RBL1: variants seen among roughly 807,000 people sequenced by gnomAD.
The protein encoded by RBL1 is retinoblastoma-like protein 1.
A neutral mutation model predicts 123.0 loss-of-function variants in RBL1; 82 were observed. That is an observed-to-expected ratio of 0.67 (90% CI 0.56 to 0.80). The LOEUF (loss-of-function observed/expected upper bound fraction) is 0.80, where lower values mean the gene tolerates loss of function less well. Ranked by LOEUF, RBL1 falls within the 30% of genes least tolerant of loss-of-function variation. The pLI is 0.00. For synonymous variants in RBL1, 405 were observed against 441.3 expected, an observed-to-expected ratio of 0.92 and a Z score of 1.03; for missense variants, 1,171 against 1,299.6, an observed-to-expected ratio of 0.90 and a Z score of 1.52.
chr20:37,011,733 C>A (rs1255820796), intron 19 of RBL1, among the ~76,000 whole-genome samples: 1 of 152,034 alleles, frequency 6.6e-6, no homozygotes, highest in Non-Finnish European at 1.5e-5. Flanking sequence ...CCATGTACAG[C>A]CAGAAATGGG....
At chr20:37,043,404 A>C (rs2064766210) in intron 13 of RBL1, among the ~76,000 whole-genome samples, 1 of 150,904 alleles carries the variant, frequency 6.6e-6, no homozygotes, top group Non-Finnish European at 1.5e-5. Context: ...GAGACAGAGA[A>C]TTGCTTGAAC....
At chr20:37,054,170 TG>T (rs1442309302) in intron 11 of RBL1, among the ~76,000 whole-genome samples, 3 of 152,178 alleles carry the variant, frequency 2.0e-5, no homozygotes, top group Admixed American at 1.3e-4. Context: ...TGCAACTTTC[TG>T]TGAATCTATA....
chr20:37,040,573 G>A (rs1416795450), intron 13 of RBL1, among the ~76,000 whole-genome samples: 7 of 152,030 alleles, frequency 4.6e-5, no homozygotes, highest in East Asian at 1.9e-4. Context: ...GGCTGATCTC[G>A]AATTCCTGAC....
At chr20:37,089,312 T>C (rs6073285) in intron 1 of RBL1, among the ~76,000 whole-genome samples, 190 bp from the exon 2 acceptor site, 25,860 of 152,116 alleles carry the variant, frequency 0.17, 2,856 homozygotes, top group East Asian at 0.38. Flanking sequence ...CTCCTTACTC[T>C]TAGTTCTGTG....
chr20:37,077,863 A>G (rs535390204), intron 2 of RBL1, among the ~76,000 whole-genome samples: 1 of 152,272 alleles, frequency 6.6e-6, no homozygotes, highest in South Asian at 2.1e-4. Flanking sequence ...TTGATAAAAT[A>G]TTAGTCCATA....
At chr20:37,065,579 A>C in intron 6 of RBL1, 106 bp from the exon 7 acceptor site, 1 of 671,580 alleles carries the variant, frequency 1.5e-6, no homozygotes, top group Non-Finnish European at 2.5e-6. Context: ...ACACACACAA[A>C]ACAGAATTAT....
chr20:37,014,834 G>A (rs1023822884), intron 19 of RBL1, among the ~76,000 whole-genome samples: 1 of 151,934 alleles, frequency 6.6e-6, no homozygotes, highest in Non-Finnish European at 1.5e-5. Context: ...AGGCCAAGGC[G>A]GGTGGAATAC....
At chr20:37,063,396 C>A (rs2065127249) in intron 7 of RBL1, among the ~76,000 whole-genome samples, 1 of 152,044 alleles carries the variant, frequency 6.6e-6, no homozygotes, top group Non-Finnish European at 1.5e-5. Flanking sequence ...TGCCTGTAAT[C>A]CTAGCACTTT....
At chr20:37,012,468 T>C (rs2064170172) in intron 19 of RBL1, among the ~76,000 whole-genome samples, 1 of 150,206 alleles carries the variant, frequency 6.7e-6, no homozygotes, top group Non-Finnish European at 1.5e-5. Flanking sequence ...GGAGCGTCTC[T>C]GCCCGGCCGC....
intron 21 of RBL1, among the ~76,000 whole-genome samples, chr20:36,999,482 CTCTCCCTCTCCCCACGG>C (rs1467982888): frequency 5.3e-5 from 8 of 151,516 alleles, no homozygotes; most frequent in Non-Finnish European, 7.4e-5. Flanking sequence ...CCTCCTCTCC[CTCTCCCTCTCCCCACGG>C]TCTCCCTCTC....
chr20:37,035,791 T>A (rs1481506952), intron 14 of RBL1, among the ~76,000 whole-genome samples: 1 of 152,142 alleles, frequency 6.6e-6, no homozygotes. Flanking sequence ...GGTTGAGAGG[T>A]AGAATGAAGT....
intron 11 of RBL1, 105 bp downstream of exon 11, chr20:37,055,448 G>T: frequency 6.4e-7 from 1 of 1,555,210 alleles, no homozygotes. Context: ...GGCCAAGTGT[G>T]TCATAGATTG....
chr20:37,040,391 G>A, intron 13 of RBL1, 106 bp from the exon 14 acceptor site: 3 of 1,448,652 alleles, frequency 2.1e-6, no homozygotes, highest in Non-Finnish European at 2.7e-6. Context: ...TCATTCTGTT[G>A]CCCAGGCTGG....
At chr20:37,036,256 C>G (rs1366192028) in intron 14 of RBL1, among the ~76,000 whole-genome samples, 1 of 152,086 alleles carries the variant, frequency 6.6e-6, no homozygotes, top group East Asian at 1.9e-4. Context: ...ACAGGTAGGT[C>G]AATAATATGC....
intron 11 of RBL1, among the ~76,000 whole-genome samples, chr20:37,052,711 T>C (rs1228261759): frequency 6.6e-6 from 1 of 152,190 alleles, no homozygotes; most frequent in African/African-American, 2.4e-5. Flanking sequence ...GATTTTGCCA[T>C]GTTGGTCAGG....
Position 37,031,084 on chromosome 20 carries a change from T to C in RBL1, c.2382+1581A>G, listed in dbSNP as rs117600937. Among the ~76,000 whole-genome samples, 1,199 of 152,100 alleles carry C rather than the reference T, an allele frequency of 7.9e-3. 11 individuals are homozygous for C. Among genetic ancestry groups the C allele is most frequent in the Non-Finnish European group, 0.013 (898 of 67,962 alleles). The stretch of plus-strand genomic sequence containing the variant: ...CATAATAAATATAAGAGCTAAAAAC[T>C]ATAAAACTCTTAGACGAAAACATAG... On this transcript the variant is annotated intron_variant, in intron 16 of 21. Transcript: ENST00000373664.
intron 21 of RBL1, among the ~76,000 whole-genome samples, chr20:36,999,612 C>G (rs931695521): frequency 2.0e-5 from 3 of 151,252 alleles, no homozygotes; most frequent in East Asian, 2.0e-4. Context: ...CTGCCTCAGC[C>G]TGCCGAGTGC....
chr20:37,055,135 T>C (rs1441659899), intron 11 of RBL1, among the ~76,000 whole-genome samples: 1 of 152,034 alleles, frequency 6.6e-6, no homozygotes, highest in Non-Finnish European at 1.5e-5. Context: ...GAAAAATTCT[T>C]TTACACATCT....
intron 16 of RBL1, among the ~76,000 whole-genome samples, chr20:37,025,830 C>A (rs1822407817): frequency 6.6e-6 from 1 of 151,598 alleles, no homozygotes; most frequent in South Asian, 2.1e-4. Flanking sequence ...GCAACCTCCG[C>A]CTCCCAGGTT....
Sources: allele counts gnomAD v4.1 joint callset (sites outside exome capture counted in the v4.1 genomes callset), GRCh38; gene constraint gnomAD v4.1.1; transcripts MANE v1.5; gene names NCBI Gene and HGNC (gene_info 2026-07-23, HGNC 2026-07-21).